The following PPP2R3A variants were observed in gnomAD, a reference collection of about 807,000 sequenced individuals.
The protein encoded by PPP2R3A is protein phosphatase 2 regulatory subunit B''alpha, also known as serine/threonine-protein phosphatase 2A regulatory subunit B'' subunit alpha.
PPP2R3A carries 80 observed loss-of-function variants against 106.9 expected under a neutral mutation model. That is an observed-to-expected ratio of 0.75 (90% CI 0.62 to 0.90). The LOEUF is 0.90. Ranked by LOEUF, PPP2R3A falls within the 40% of genes least tolerant of loss-of-function variation. PPP2R3A has a pLI of 0.00. For synonymous variants in PPP2R3A, 483 were observed against 468.3 expected (o/e 1.03, Z -0.41); for missense variants, 1,386 against 1,350.4 (o/e 1.03, Z -0.41).
intron 13 of PPP2R3A, among the ~76,000 whole-genome samples, chr3:136,143,516 G>A (rs1001697246): frequency 2.0e-5 from 3 of 151,554 alleles, no homozygotes; most frequent in Non-Finnish European, 2.9e-5. Flanking sequence ...TTGACTGGGC[G>A]CAGTGGCTCA....
At chr3:136,010,818 AC>A (rs1934043368) in intron 2 of PPP2R3A, among the ~76,000 whole-genome samples, 1 of 151,994 alleles carries the variant, frequency 6.6e-6, no homozygotes, top group South Asian at 2.1e-4. Flanking sequence ...GCAGAGATTG[AC>A]CCATTTCTCC....
chr3:136,042,970 ATT>A (rs10707670), intron 4 of PPP2R3A, among the ~76,000 whole-genome samples: 1,546 of 148,132 alleles, frequency 0.01, 23 homozygotes, highest in African/African-American at 0.034. Flanking sequence ...TAGTTTTGTA[ATT>A]TTTTTTTTTT....
chr3:135,984,552 G>T (rs1396391329), intron 1 of PPP2R3A, among the ~76,000 whole-genome samples: 1 of 152,078 alleles, frequency 6.6e-6, no homozygotes, highest in Non-Finnish European at 1.5e-5. Context: ...GATCATGGGG[G>T]CAGTTTCCCC....
intron 1 of PPP2R3A, among the ~76,000 whole-genome samples, chr3:135,994,676 G>C (rs1933314981): frequency 6.6e-6 from 1 of 152,112 alleles, no homozygotes; most frequent in Non-Finnish European, 1.5e-5. Flanking sequence ...TTGCATTCCT[G>C]TTTCTCATTC....
At chr3:136,023,225 T>G (rs761455470) in intron 2 of PPP2R3A, 18 of 1,536,720 alleles carry the variant, frequency 1.2e-5, no homozygotes, top group Non-Finnish European at 1.5e-5. Context: ...GTGTTTTGTT[T>G]TGTTTTGTTT....
intron 1 of PPP2R3A, among the ~76,000 whole-genome samples, chr3:136,000,646 T>C (rs1933587436): frequency 6.6e-6 from 1 of 152,128 alleles, no homozygotes; most frequent in Admixed American, 6.5e-5. Context: ...AGGGACATAG[T>C]AGAAAATATG....
intron 10 of PPP2R3A, 88 bp from the exon 11 acceptor site, chr3:136,101,919 T>C: frequency 7.4e-7 from 1 of 1,355,004 alleles, no homozygotes; most frequent in Admixed American, 2.4e-5. Flanking sequence ...ATGTAATATG[T>C]AACTTTTACT....
intron 10 of PPP2R3A, among the ~76,000 whole-genome samples, chr3:136,098,763 T>C (rs957998373): frequency 1.3e-5 from 2 of 152,080 alleles, no homozygotes; most frequent in Non-Finnish European, 1.5e-5. Context: ...CAACCAGATA[T>C]ACCCAGCAAA....
intron 5 of PPP2R3A, among the ~76,000 whole-genome samples, chr3:136,068,559 T>C (rs1245301253): frequency 6.6e-6 from 1 of 152,126 alleles, no homozygotes; most frequent in African/African-American, 2.4e-5. Context: ...AAGAGACAGC[T>C]CTTCCTTATA....
chr3:136,129,074 C>G (rs1938297797), intron 13 of PPP2R3A, among the ~76,000 whole-genome samples: 1 of 151,878 alleles, frequency 6.6e-6, no homozygotes, highest in African/African-American at 2.4e-5. Context: ...CAGGAAAGAT[C>G]TAAAATCGAC....
intron 9 of PPP2R3A, among the ~76,000 whole-genome samples, chr3:136,089,429 C>T (rs1483122669): frequency 2.6e-5 from 4 of 151,932 alleles, no homozygotes; most frequent in Admixed American, 2.0e-4. Flanking sequence ...CTCTTCTGCT[C>T]CATTGGTCTG....
intron 13 of PPP2R3A, among the ~76,000 whole-genome samples, chr3:136,130,105 C>T (rs997530207): frequency 1.5e-4 from 23 of 152,192 alleles, no homozygotes; most frequent in African/African-American, 5.1e-4. Context: ...AAAACCGGCA[C>T]GAGACAAGGA....
chr3:136,042,534 G>A (rs1935324260), intron 4 of PPP2R3A, among the ~76,000 whole-genome samples: 1 of 152,124 alleles, frequency 6.6e-6, no homozygotes, highest in Non-Finnish European at 1.5e-5. Context: ...TATGTTGGTG[G>A]ATAGATCATA....
chr3:136,130,067 T>C (rs1938343884), intron 13 of PPP2R3A, among the ~76,000 whole-genome samples: 2 of 152,160 alleles, frequency 1.3e-5, no homozygotes, highest in African/African-American at 4.8e-5. Flanking sequence ...TCATACTGAA[T>C]GGGCAAAAAC....
At chr3:135,989,559 C>T (rs1933068781) in intron 1 of PPP2R3A, among the ~76,000 whole-genome samples, 1 of 151,822 alleles carries the variant, frequency 6.6e-6, no homozygotes, top group South Asian at 2.1e-4. Flanking sequence ...CAGATTCAGA[C>T]ATTATTCATC....
chr3:135,998,013 A>G (rs941158811), intron 1 of PPP2R3A, among the ~76,000 whole-genome samples: 1 of 152,188 alleles, frequency 6.6e-6, no homozygotes, highest in East Asian at 1.9e-4. Context: ...CATAGCTTTC[A>G]GAATAAAGTT....
intron 1 of PPP2R3A, among the ~76,000 whole-genome samples, chr3:135,969,579 G>A (rs1937183272): frequency 6.6e-6 from 1 of 152,184 alleles, no homozygotes; most frequent in African/African-American, 2.4e-5. Context: ...TTCTAATTCA[G>A]AGCCAAGAGC....
At chr3:136,021,111 T>C (rs771773238) in intron 2 of PPP2R3A, among the ~76,000 whole-genome samples, 18 of 152,044 alleles carry the variant, frequency 1.2e-4, no homozygotes, top group Non-Finnish European at 2.1e-4. Flanking sequence ...TTTAATAGAA[T>C]AAGCATTAAA....
intron 10 of PPP2R3A, among the ~76,000 whole-genome samples, chr3:136,092,692 A>G (rs1423469289): frequency 6.6e-6 from 1 of 152,166 alleles, no homozygotes; most frequent in Non-Finnish European, 1.5e-5. Flanking sequence ...AACAAAATTG[A>G]ATTGAGAGTT....
Sources: allele counts gnomAD v4.1 joint callset (sites outside exome capture counted in the v4.1 genomes callset), GRCh38; gene constraint gnomAD v4.1.1; transcripts MANE v1.5; gene names NCBI Gene and HGNC (gene_info 2026-07-23, HGNC 2026-07-21).